Variants in RNF17 observed in about 807,000 individuals in gnomAD.
The protein encoded by RNF17 is spermatogenesis associated 23.
A neutral mutation model predicts 200.5 loss-of-function variants in RNF17; 31 were observed. The ratio of observed to expected loss-of-function variants is 0.15; its 90% CI spans 0.12 to 0.21. RNF17 has a LOEUF of 0.21. Among genes scored for constraint, RNF17 ranks in the 10% least tolerant of loss-of-function variants. The probability of loss-of-function intolerance (pLI) is 1.00; values close to 1 mark genes in which losing one functional copy is unlikely to be tolerated. For missense variants in RNF17, 1,628 were observed against 1,905.1 expected, an observed-to-expected ratio of 0.85 and a Z score of 2.71; for synonymous variants, 606 against 637.8, an observed-to-expected ratio of 0.95 and a Z score of 0.75.
chr13:24,772,689 C>G (rs1880947163), intron 2 of RNF17, among the ~76,000 whole-genome samples: 1 of 151,740 alleles, frequency 6.6e-6, no homozygotes, highest in Admixed American at 6.6e-5. Flanking sequence ...CAGCTCACTG[C>G]AAGCTCCTCC....
At chr13:24,780,407 T>C (rs1882186077) in intron 5 of RNF17, among the ~76,000 whole-genome samples, 1 of 152,158 alleles carries the variant, frequency 6.6e-6, no homozygotes, top group Non-Finnish European at 1.5e-5. Flanking sequence ...AAATCAGTGG[T>C]AAATTAACTG....
chr13:24,809,657 T>C (rs1886351413), intron 15 of RNF17, among the ~76,000 whole-genome samples: 2 of 152,146 alleles, frequency 1.3e-5, no homozygotes, highest in South Asian at 4.2e-4. Flanking sequence ...CTGCTCTGAT[T>C]TTAGTTATTT....
chr13:24,771,414 C>T (rs954380138), intron 2 of RNF17, among the ~76,000 whole-genome samples: 6 of 141,550 alleles, frequency 4.2e-5, no homozygotes, highest in Admixed American at 3.2e-4. Context: ...AGGCTGGTCA[C>T]GCCTTAGCCT....
At chr13:24,811,669 G>A (rs1015445749) in intron 15 of RNF17, among the ~76,000 whole-genome samples, 3 of 152,186 alleles carry the variant, frequency 2.0e-5, no homozygotes, top group African/African-American at 7.2e-5. Flanking sequence ...GTCCCGCTTT[G>A]TTCTGTTGCT....
At chr13:24,786,688 A>G (rs1883150028) in intron 6 of RNF17, among the ~76,000 whole-genome samples, 1 of 152,156 alleles carries the variant, frequency 6.6e-6, no homozygotes, top group Admixed American at 6.5e-5. Flanking sequence ...TTGGTGCTGT[A>G]AATATACATT....
chr13:24,806,035 C>G (rs1426238974), intron 15 of RNF17, among the ~76,000 whole-genome samples: 1 of 152,134 alleles, frequency 6.6e-6, no homozygotes, highest in Non-Finnish European at 1.5e-5. Flanking sequence ...TATCCCTCCT[C>G]TTGTCCCCAC....
At chr13:24,883,613 C>CTT (rs1237888055), downstream of RNF17, among the ~76,000 whole-genome samples, 5 of 152,080 alleles carry the variant, frequency 3.3e-5, no homozygotes, top group Admixed American at 6.5e-5. Flanking sequence ...CTTTTTTCAA[C>CTT]TTGTGTTCTT....
chr13:24,816,827 G>A (rs1285596817), intron 15 of RNF17, among the ~76,000 whole-genome samples: 1 of 152,046 alleles, frequency 6.6e-6, no homozygotes, highest in Non-Finnish European at 1.5e-5. Context: ...ACATACACTT[G>A]GCCACAGGTC....
intron 6 of RNF17, 42 bp downstream of exon 6, chr13:24,781,986 C>A (rs769057980): frequency 5.1e-6 from 6 of 1,187,034 alleles, no homozygotes; most frequent in Non-Finnish European, 7.5e-6. Context: ...ACTGAAGTTT[C>A]TAACACTAAC....
chr13:24,768,477 G>C (rs534862616), intron 2 of RNF17, among the ~76,000 whole-genome samples: 2 of 151,838 alleles, frequency 1.3e-5, no homozygotes, highest in Admixed American at 1.3e-4. Context: ...ATAGAGAGGG[G>C]GTTTCACCAT....
intron 24 of RNF17, 71 bp from the exon 25 acceptor site, chr13:24,853,784 C>T: frequency 1.7e-6 from 2 of 1,163,846 alleles, no homozygotes. Context: ...CTGAATGATT[C>T]TTTTTATGTT....
intron 3 of RNF17, among the ~76,000 whole-genome samples, 174 bp from the exon 4 acceptor site, chr13:24,778,121 G>A (rs945385933): frequency 6.6e-6 from 1 of 152,148 alleles, no homozygotes; most frequent in Admixed American, 6.5e-5. Context: ...AATTAGCCGA[G>A]TGTGGTGGCA....
At chr13:24,750,809 T>C in the RNF17 span, 2 of 152,158 alleles carry the variant, frequency 1.3e-5, no homozygotes, top group Non-Finnish European at 2.9e-5. Flanking sequence ...CAGCCTTGGA[T>C]ATTAATTACT....
Position 24,879,312 on chromosome 13 carries a change from T to C in RNF17, c.*10+17T>C. 6.8e-7 allele frequency: 1 copy of C among 1,469,320 alleles called. No homozygotes were observed. The highest frequency in any genetic ancestry group is 9.5e-7 in the Non-Finnish European group (1 of 1,048,702). The allele number at this position is 1,469,320 out of a possible 1,614,324, so 91.0% of individuals were successfully genotyped here. A position where few individuals can be genotyped will look rare whatever the true frequency, so the allele number is the denominator to read the frequency against. Reference sequence around the variant, plus strand: ...TGCCTAAGTGTAAGTTCTCATTCTCTTCATAGCATAAGGCATGGGACTAGT... The same window carrying C: ...TGCCTAAGTGTAAGTTCTCATTCTCCTCATAGCATAAGGCATGGGACTAGT... On this transcript the variant is annotated intron_variant, in intron 35 of 35. Transcript: ENST00000255324.
At chr13:24,849,987 C>T (rs573918781) in intron 22 of RNF17, among the ~76,000 whole-genome samples, 45 of 152,234 alleles carry the variant, frequency 3.0e-4, no homozygotes, top group Admixed American at 2.2e-3. Flanking sequence ...ATCATCATTC[C>T]TGTTCTCTTG....
intron 18 of RNF17, among the ~76,000 whole-genome samples, chr13:24,833,209 CT>C (rs1437919436): frequency 6.6e-6 from 1 of 152,150 alleles, no homozygotes; most frequent in African/African-American, 2.4e-5. Flanking sequence ...CATGCCTTTC[CT>C]TTATCGTAAG....
At chr13:24,787,136 A>G (rs1883215952) in intron 6 of RNF17, among the ~76,000 whole-genome samples, 2 of 151,742 alleles carry the variant, frequency 1.3e-5, no homozygotes, top group South Asian at 2.1e-4. Context: ...CAATTACTGT[A>G]TTTTTCAATA....
At chr13:24,827,501 G>A (rs1325529990) in intron 16 of RNF17, among the ~76,000 whole-genome samples, 2 of 151,630 alleles carry the variant, frequency 1.3e-5, no homozygotes, top group African/African-American at 2.4e-5. Context: ...TATAGACTGG[G>A]TAGTTTATAA....
At chr13:24,822,892 T>G (rs1474022284) in intron 15 of RNF17, among the ~76,000 whole-genome samples, 2 of 152,246 alleles carry the variant, frequency 1.3e-5, no homozygotes, top group Admixed American at 1.3e-4. Flanking sequence ...CTTCTGGTTT[T>G]CAGTGAGGTC....
Sources: gnomAD v4.1 joint callset for allele counts (sites outside exome capture counted in the v4.1 genomes callset) on GRCh38, gnomAD v4.1.1 for gene constraint, MANE v1.5 for transcripts, NCBI Gene and HGNC (gene_info 2026-07-23, HGNC 2026-07-21) for gene names.